COL13A1: variants seen among roughly 807,000 people sequenced by gnomAD.
COL13A1 encodes collagen type XIII alpha 1 chain.
Under a neutral mutation model 130.9 loss-of-function variants are expected in COL13A1, and 89 were observed. The observed-to-expected ratio is 0.68, with a 90% CI of 0.57 to 0.81. COL13A1 has a LOEUF of 0.81. Ranked by LOEUF, COL13A1 falls within the 30% of genes least tolerant of loss-of-function variation. The pLI, the probability that COL13A1 is intolerant of heterozygous loss-of-function variation, is 0.00. For synonymous variants in COL13A1, 402 were observed against 341.6 expected (o/e 1.18, Z -1.95); for missense variants, 879 against 934.6 (o/e 0.94, Z 0.78).
At chr10:69,903,545 C>A (rs1201104547) in intron 15 of COL13A1, among the ~76,000 whole-genome samples, 2 of 152,230 alleles carry the variant, frequency 1.3e-5, no homozygotes, top group African/African-American at 4.8e-5. Flanking sequence ...AGCCCCAGGA[C>A]AGAATAACTC....
At chr10:69,958,200 T>C (rs963873161) in intron 40 of COL13A1, among the ~76,000 whole-genome samples, 3 of 152,150 alleles carry the variant, frequency 2.0e-5, no homozygotes, top group Non-Finnish European at 4.4e-5. Context: ...TAGACCTAGT[T>C]AAAGCGCCAC....
At chr10:69,894,108 T>C (rs1162727346) in intron 10 of COL13A1, among the ~76,000 whole-genome samples, 3 of 152,148 alleles carry the variant, frequency 2.0e-5, no homozygotes, top group Non-Finnish European at 2.9e-5. Context: ...AAGGCCCCCA[T>C]TGTCTGAGGC....
chr10:69,907,731 T>C (rs1360931375), intron 17 of COL13A1, among the ~76,000 whole-genome samples: 1 of 150,392 alleles, frequency 6.6e-6, no homozygotes, highest in African/African-American at 2.5e-5. Flanking sequence ...AACCCACTCC[T>C]GCAATCACAA....
intron 14 of COL13A1, among the ~76,000 whole-genome samples, chr10:69,901,839 C>T (rs757491226): frequency 3.0e-4 from 46 of 152,184 alleles, no homozygotes; most frequent in Non-Finnish European, 4.6e-4. Context: ...CAGTCCATCC[C>T]GTGGACAGGC....
At position 69,846,269 on chromosome 10, in the gene COL13A1, G is replaced by A. The variant is rs551744019; in HGVS notation, c.365-21529G>A. ...GGTCCTGGATGAAGAAGGGTCTGGT[G>A]GCACTGGAGGGGCTGGGGGAGAGTG... On this transcript the variant is annotated intron_variant, in intron 2 of 40. Coordinates refer to ENST00000645393, the MANE Select transcript of COL13A1 (RefSeq NM_001368882.1). Among the ~76,000 whole-genome samples, 3 of 152,268 alleles carry A rather than the reference G, an allele frequency of 2.0e-5. No individual in the cohort carries two copies. The East Asian group carries it at 5.8e-4, about 29-fold the overall frequency.
At position 69,936,795 on chromosome 10, in the gene COL13A1, C is replaced by A; in HGVS notation, c.1797+13C>A. On this transcript the variant is annotated intron_variant, in intron 33 of 40. Coordinates refer to ENST00000645393, the MANE Select transcript of COL13A1 (RefSeq NM_001368882.1). ...TCCTGGACCAAAGGTAAGGAGAAGT[C>A]ACATGACAGGCGCTGTGTCAGTGCT... 6.2e-7 allele frequency: 1 copy of A among 1,613,874 alleles called. No individual in the cohort carries two copies. The highest frequency in any genetic ancestry group is 8.5e-7 in the Non-Finnish European group (1 of 1,179,838).
At chr10:69,847,874 G>A (rs1461343897) in intron 2 of COL13A1, among the ~76,000 whole-genome samples, 1 of 152,230 alleles carries the variant, frequency 6.6e-6, no homozygotes, top group African/African-American at 2.4e-5. Context: ...GTGGATGTGG[G>A]GCTGGTCTGG....
intron 2 of COL13A1, among the ~76,000 whole-genome samples, chr10:69,836,936 T>C (rs1299685431): frequency 6.9e-6 from 1 of 144,810 alleles, no homozygotes; most frequent in Non-Finnish European, 1.5e-5. Flanking sequence ...TGTCACGGGG[T>C]GACCTGGCAT....
chr10:69,880,682 T>C (rs887396485), intron 7 of COL13A1, 129 bp downstream of exon 7: 7 of 951,856 alleles, frequency 7.4e-6, no homozygotes, highest in African/African-American at 6.6e-5. Flanking sequence ...CCGCATGTGA[T>C]GTGGTCAGCC....
intron 2 of COL13A1, among the ~76,000 whole-genome samples, chr10:69,849,501 T>C (rs1854126253): frequency 6.6e-6 from 1 of 151,930 alleles, no homozygotes; most frequent in Non-Finnish European, 1.5e-5. Context: ...CACGTTTTTA[T>C]TTTTATTTAT....
chr10:69,860,286 G>A (rs1336410431), intron 2 of COL13A1, among the ~76,000 whole-genome samples: 1 of 152,228 alleles, frequency 6.6e-6, no homozygotes, highest in Admixed American at 6.5e-5. Context: ...CAAGGTCAGG[G>A]ACAGCGGGTG....
intron 17 of COL13A1, among the ~76,000 whole-genome samples, chr10:69,913,230 C>A (rs1409860157): frequency 3.9e-5 from 6 of 152,178 alleles, no homozygotes; most frequent in African/African-American, 1.2e-4. Context: ...ACACCATGCA[C>A]GTGGCCAAGA....
intron 19 of COL13A1, 145 bp from the exon 20 acceptor site, chr10:69,918,917 G>A (rs1391107902): frequency 3.3e-6 from 3 of 903,234 alleles, no homozygotes; most frequent in Non-Finnish European, 5.3e-6. Context: ...GGGACCTGAT[G>A]CCTGAACAGA....
At chr10:69,842,464 G>A (rs1395801107) in intron 2 of COL13A1, among the ~76,000 whole-genome samples, 1 of 152,150 alleles carries the variant, frequency 6.6e-6, no homozygotes, top group Non-Finnish European at 1.5e-5. Flanking sequence ...GCCCTTATAG[G>A]ATGTCCATGC....
intron 1 of COL13A1, among the ~76,000 whole-genome samples, chr10:69,808,017 A>G (rs1393251127): frequency 2.0e-5 from 3 of 152,326 alleles, no homozygotes; most frequent in East Asian, 3.9e-4. Flanking sequence ...TTGGTGTTCA[A>G]GACGAAAAGC....
chr10:69,802,481 T>C lies in COL13A1; in HGVS notation c.58T>C (p.Leu20=). Residue 20 remains leucine (L), a synonymous_variant, in exon 1 of 41, where the codon TTG becomes CTG. Coordinates refer to ENST00000645393, the MANE Select transcript of COL13A1 (RefSeq NM_001368882.1). ...AATGARGPGE[L]GAPGTVALVA... is the part of the protein sequence containing the mutation. ...CACCGGTGCCCGCGGCCCTGGGGAG[T>C]TGGGCGCGCCCGGGACGGTGGCTCT... The C allele has an allele frequency of 3.3e-6, 5 of 1,519,096 alleles. No individual in the cohort carries two copies. The highest frequency in any genetic ancestry group is 4.4e-6 in the Non-Finnish European group (5 of 1,136,678). The allele number at this position is 1,519,096 out of a possible 1,614,324, so 94.1% of individuals were successfully genotyped here. A position where few individuals can be genotyped will look rare whatever the true frequency, so the allele number is the denominator to read the frequency against.
chr10:69,947,136 C>G (rs1165800544), intron 37 of COL13A1, among the ~76,000 whole-genome samples, 171 bp from the exon 38 acceptor site: 2 of 152,194 alleles, frequency 1.3e-5, no homozygotes, highest in Non-Finnish European at 2.9e-5. Context: ...GCCTCTAGGT[C>G]AGGTTTTCTT....
At chr10:69,831,251 C>T (rs1848750704) in intron 2 of COL13A1, among the ~76,000 whole-genome samples, 1 of 152,194 alleles carries the variant, frequency 6.6e-6, no homozygotes, top group Admixed American at 6.5e-5. Context: ...CACCTGTGGG[C>T]TGGCAGCAAT....
intron 1 of COL13A1, among the ~76,000 whole-genome samples, chr10:69,803,758 C>A (rs887591649): frequency 6.6e-6 from 1 of 152,114 alleles, no homozygotes; most frequent in Admixed American, 6.5e-5. Context: ...GGGTTTTTAT[C>A]CCCACTCTGC....
Sources: allele counts gnomAD v4.1 joint callset (sites outside exome capture counted in the v4.1 genomes callset), GRCh38; gene constraint gnomAD v4.1.1; transcripts MANE v1.5; gene names NCBI Gene and HGNC (gene_info 2026-07-23, HGNC 2026-07-21).